The following PSMG2 variants were observed in gnomAD, a reference collection of about 807,000 sequenced individuals.
The protein encoded by PSMG2 is CD40 ligand-activated specific transcript 3.
In PSMG2, 21 loss-of-function variants were observed where a neutral mutation model predicts 31.5. The ratio of observed to expected loss-of-function variants is 0.67; its 90% CI spans 0.47 to 0.96. The LOEUF (loss-of-function observed/expected upper bound fraction) is 0.96. Among genes scored for constraint, PSMG2 ranks in the 40% least tolerant of loss-of-function variants. The probability of loss-of-function intolerance (pLI) is 0.00; values close to 1 mark genes in which losing one functional copy is unlikely to be tolerated. For synonymous variants in PSMG2, 120 were observed against 110.4 expected (o/e 1.09, Z -0.54); for missense variants, 318 against 321.2 (o/e 0.99, Z 0.08).
chr18:12,690,273 C>T (rs541131965), intron 1 of PSMG2, among the ~76,000 whole-genome samples: 35 of 152,278 alleles, frequency 2.3e-4, no homozygotes, highest in Non-Finnish European at 4.0e-4. Context: ...CCACTTTTAG[C>T]CTGTTCCAAA....
At chr18:12,715,933 AT>A (rs60836962) in intron 3 of PSMG2, among the ~76,000 whole-genome samples, 3,091 of 152,334 alleles carry the variant, frequency 0.02, 54 homozygotes, top group Non-Finnish European at 0.03. Context: ...GACATAGAGC[AT>A]TGTCAGCATT....
In PSMG2 at chr18:12,677,394, C is replaced by T. The variant is rs114611909; in HGVS notation, c.-37+18621C>T. Among the ~76,000 whole-genome samples, 1,012 of 146,582 alleles carry T rather than the reference C, an allele frequency of 6.9e-3. 15 individuals are homozygous for T. Among genetic ancestry groups the T allele is most frequent in the African/African-American group, 0.023 (913 of 39,616 alleles). Reference sequence around the variant, plus strand: ...TAGAGGTTGCAGTGAACCAAGATCACGCCACTGTGCCAAGATCACGCCACT... The same window carrying T: ...TAGAGGTTGCAGTGAACCAAGATCATGCCACTGTGCCAAGATCACGCCACT... On this transcript the variant is annotated intron_variant, in intron 1 of 6. Coordinates refer to the PSMG2 transcript ENST00000585331.
chr18:12,675,950 T>C lies in PSMG2; in HGVS notation c.-37+17177T>C, dbSNP rs2039115006. Among the ~76,000 whole-genome samples the C allele has an allele frequency of 3.9e-5, 6 of 152,242 alleles. No individual in the cohort carries two copies. The South Asian group carries it at 1.2e-3, about 32-fold the overall frequency. On this transcript the variant is annotated intron_variant, in intron 1 of 6. Coordinates refer to the PSMG2 transcript ENST00000585331. Reference sequence around the variant, plus strand: ...TCCCAAAGTGCTGGGATTACAGGCATAAGCCACCGTGCCCAGCCCATGATT... The same window carrying C: ...TCCCAAAGTGCTGGGATTACAGGCACAAGCCACCGTGCCCAGCCCATGATT...
intron 1 of PSMG2, among the ~76,000 whole-genome samples, chr18:12,671,393 C>T (rs2038938176): frequency 6.6e-6 from 1 of 151,842 alleles, no homozygotes; most frequent in Non-Finnish European, 1.5e-5. Context: ...ATGGATAAAG[C>T]AACTAAATTA....
At chr18:12,699,613 C>G (rs372579956), upstream of PSMG2, among the ~76,000 whole-genome samples, 225 of 152,086 alleles carry the variant, frequency 1.5e-3, 1 homozygote, top group African/African-American at 5.1e-3. Flanking sequence ...ATTATTAAAA[C>G]ACAAGAAACT....
intron 1 of PSMG2, chr18:12,665,019 C>T (rs1026269610): frequency 1.3e-5 from 2 of 152,066 alleles, no homozygotes; most frequent in African/African-American, 4.8e-5. Context: ...AAAAGATGGC[C>T]CTTTCCTGTT....
At chr18:12,679,225 G>C (rs1024708588) in intron 1 of PSMG2, 1 of 152,196 alleles carries the variant, frequency 6.6e-6, no homozygotes, top group Non-Finnish European at 1.5e-5. Flanking sequence ...CATGAAGAAA[G>C]AAGTGAGACA....
chr18:12,706,418 C>A, intron 1 of PSMG2, 132 bp from the exon 2 acceptor site: 1 of 852,112 alleles, frequency 1.2e-6, no homozygotes, highest in Non-Finnish European at 1.8e-6. Context: ...AGCCAGGAGG[C>A]AGAGGCTGCA....
chr18:12,694,191 A>G (rs905832792), intron 1 of PSMG2, among the ~76,000 whole-genome samples: 1 of 152,172 alleles, frequency 6.6e-6, no homozygotes, highest in Admixed American at 6.6e-5. Flanking sequence ...GAAGCTAGAG[A>G]TTAGAGGGAG....
At chr18:12,685,496 T>A (rs1388776388) in intron 1 of PSMG2, 2 of 151,934 alleles carry the variant, frequency 1.3e-5, no homozygotes, top group Non-Finnish European at 1.5e-5. Context: ...AGATGCTGAG[T>A]TTTTTGTGTA....
intron 1 of PSMG2, among the ~76,000 whole-genome samples, chr18:12,677,190 C>T (rs1341686894): frequency 6.6e-6 from 1 of 152,092 alleles, no homozygotes; most frequent in Non-Finnish European, 1.5e-5. Flanking sequence ...CAGTGGCTCA[C>T]AACTGTAATC....
chr18:12,673,309 T>C, intron 1 of PSMG2: 1 of 1,559,176 alleles, frequency 6.4e-7, no homozygotes, highest in South Asian at 1.2e-5. Flanking sequence ...CTAAGTAATG[T>C]ACAATGTGTA....
At position 12,717,115 on chromosome 18, in the gene PSMG2, AT is replaced by A. The variant is rs113773660; in HGVS notation, c.289-1388del. ...CAGACGTGCACTACCATGTGTAATAATTTTTTTTTTTTTTGTAGTAACAGGG... is the reference window on the plus strand; with the variant it reads ...CAGACGTGCACTACCATGTGTAATAATTTTTTTTTTTTTGTAGTAACAGGG... On this transcript the variant is annotated intron_variant, in intron 3 of 6. Coordinates refer to ENST00000317615, the MANE Select transcript of PSMG2 (RefSeq NM_020232.5). Among the ~76,000 whole-genome samples the A allele has an allele frequency of 3.5e-3, 498 of 141,702 alleles. 1 individual carries two copies. Among genetic ancestry groups the A allele is most frequent in the Middle Eastern group, 7.2e-3 (2 of 278 alleles). 93.0% of individuals were successfully genotyped at this position (141,702 alleles called of 152,430 possible).
chr18:12,694,752 C>G (rs1433081596), intron 1 of PSMG2, among the ~76,000 whole-genome samples: 1 of 150,926 alleles, frequency 6.6e-6, no homozygotes, highest in African/African-American at 2.4e-5. Flanking sequence ...TGCTCTGTTG[C>G]CCAGGCTGGA....
chr18:12,707,822 G>T (rs1033882162), intron 2 of PSMG2, among the ~76,000 whole-genome samples: 5 of 152,178 alleles, frequency 3.3e-5, no homozygotes, highest in African/African-American at 1.2e-4. Flanking sequence ...AAGCATTTTG[G>T]TTTTTGTGTC....
At chr18:12,711,814 C>A (rs187608763) in intron 2 of PSMG2, among the ~76,000 whole-genome samples, 2 of 134,550 alleles carry the variant, frequency 1.5e-5, no homozygotes, top group Non-Finnish European at 3.0e-5. Flanking sequence ...AGTGCAGTGG[C>A]GCGATCTCTG....
chr18:12,686,180 A>C, intron 1 of PSMG2: 5 of 1,156,092 alleles, frequency 4.3e-6, no homozygotes, highest in Non-Finnish European at 6.1e-6. Flanking sequence ...GCATTTTTCT[A>C]AGGCATTCTT....
intron 1 of PSMG2, among the ~76,000 whole-genome samples, chr18:12,692,627 G>T (rs2039808955): frequency 6.6e-6 from 1 of 152,110 alleles, no homozygotes; most frequent in South Asian, 2.1e-4. Flanking sequence ...CATATCACCT[G>T]TAATAATTCT....
At chr18:12,677,124 C>T (rs1427975903) in intron 1 of PSMG2, among the ~76,000 whole-genome samples, 1 of 152,052 alleles carries the variant, frequency 6.6e-6, no homozygotes, top group Non-Finnish European at 1.5e-5. Context: ...TTCTTAAAAG[C>T]ACTTTACAAA....
Sources: gnomAD v4.1 joint callset for allele counts (sites outside exome capture counted in the v4.1 genomes callset) on GRCh38, gnomAD v4.1.1 for gene constraint, MANE v1.5 for transcripts, NCBI Gene and HGNC (gene_info 2026-07-23, HGNC 2026-07-21) for gene names.